Variants in PTPRD observed in about 807,000 individuals in gnomAD.
The protein encoded by PTPRD is protein tyrosine phosphatase receptor type D, also known as receptor-type tyrosine-protein phosphatase delta.
PTPRD carries 34 observed loss-of-function variants against 214.5 expected under a neutral mutation model. That is an observed-to-expected ratio of 0.16 (90% confidence interval 0.12 to 0.21). PTPRD has a LOEUF of 0.21. Ranked by LOEUF, PTPRD falls within the 10% of genes least tolerant of loss-of-function variation. The pLI is 1.00. For missense variants in PTPRD, 2,545 were observed against 2,398.7 expected (o/e 1.06, Z -1.27); for synonymous variants, 1,128 against 845.7 (o/e 1.33, Z -5.79).
intron 11 of PTPRD, among the ~76,000 whole-genome samples, chr9:8,935,324 A>T (rs2098989505): frequency 6.6e-6 from 1 of 152,204 alleles, no homozygotes; most frequent in Non-Finnish European, 1.5e-5. Context: ...TTAAAAAAGA[A>T]ATTAAGAAAG....
chr9:9,646,114 G>T (rs2096154025), intron 7 of PTPRD, among the ~76,000 whole-genome samples: 1 of 152,266 alleles, frequency 6.6e-6, no homozygotes, highest in Admixed American at 6.5e-5. Context: ...TTCCATCTAA[G>T]ACAGTCCATT....
chr9:8,379,986 A>G (rs1313417732), intron 37 of PTPRD, among the ~76,000 whole-genome samples: 1 of 152,132 alleles, frequency 6.6e-6, no homozygotes, highest in Non-Finnish European at 1.5e-5. Flanking sequence ...GATTGAAGTG[A>G]TGCCCCTAAA....
intron 11 of PTPRD, among the ~76,000 whole-genome samples, chr9:8,912,028 A>C (rs556363835): frequency 6.6e-6 from 1 of 152,296 alleles, no homozygotes; most frequent in South Asian, 2.1e-4. Context: ...GGATGTGGAG[A>C]GAGTGGAATA....
intron 5 of PTPRD, among the ~76,000 whole-genome samples, chr9:9,835,771 TC>T (rs567872902): frequency 6.6e-5 from 10 of 152,168 alleles, no homozygotes; most frequent in African/African-American, 9.6e-5. Flanking sequence ...AGGAGTGGAA[TC>T]AACTGAAGGA....
At chr9:8,568,975 T>G (rs1248246179) in intron 14 of PTPRD, among the ~76,000 whole-genome samples, 1 of 152,084 alleles carries the variant, frequency 6.6e-6, no homozygotes, top group Non-Finnish European at 1.5e-5. Context: ...TATATAGAAA[T>G]ATGCTTCCCA....
chr9:10,291,130 A>T (rs2095515284), intron 3 of PTPRD, among the ~76,000 whole-genome samples: 1 of 151,194 alleles, frequency 6.6e-6, no homozygotes, highest in African/African-American at 2.4e-5. Flanking sequence ...GGGGCTTCTG[A>T]GAAAGGTTTC....
chr9:9,546,229 T>C lies in PTPRD; in HGVS notation c.-237+28503A>G, dbSNP rs190204094. 1.1e-4 allele frequency among the ~76,000 whole-genome samples: 14 copies of C among 129,780 alleles called. No homozygotes were observed. The East Asian group carries it at 2.5e-3, about 23-fold the overall frequency. The allele number at this position is 129,780 out of a possible 152,430, so 85.1% of individuals were successfully genotyped here. On this transcript the variant is annotated intron_variant, in intron 8 of 45. Coordinates refer to ENST00000381196, the MANE Select transcript of PTPRD (RefSeq NM_002839.4). ...AATCCATTATTAGTTCCAAAAGTTG[T>C]TGTGGAATTTTTGGAATTTTTACAT...
chr9:9,659,631 T>C (rs1431802132), intron 7 of PTPRD, among the ~76,000 whole-genome samples: 1 of 151,966 alleles, frequency 6.6e-6, no homozygotes, highest in Non-Finnish European at 1.5e-5. Context: ...AGCTTTTCCC[T>C]AGCAGTAACA....
intron 12 of PTPRD, among the ~76,000 whole-genome samples, chr9:8,708,259 A>G (rs901648224): frequency 9.2e-5 from 14 of 152,198 alleles, no homozygotes; most frequent in African/African-American, 3.4e-4. Flanking sequence ...TTGTTATCAA[A>G]TAACAAAAGG....
chr9:10,493,951 C>T (rs920988970), intron 2 of PTPRD, among the ~76,000 whole-genome samples: 2 of 151,888 alleles, frequency 1.3e-5, no homozygotes, highest in African/African-American at 4.8e-5. Context: ...GTAGATGATG[C>T]CATATCTATT....
intron 7 of PTPRD, among the ~76,000 whole-genome samples, chr9:9,631,214 T>TAAATAAAC (rs2095580524): frequency 3.1e-5 from 3 of 95,792 alleles, no homozygotes; most frequent in Admixed American, 1.0e-4. Flanking sequence ...AATAAATAAA[T>TAAATAAAC]AAATAAATAA....
chr9:8,522,032 C>T (rs575636840), intron 19 of PTPRD, among the ~76,000 whole-genome samples: 1 of 152,154 alleles, frequency 6.6e-6, no homozygotes, highest in Non-Finnish European at 1.5e-5. Context: ...CACATCCCAG[C>T]CCTGGAAAAC....
intron 2 of PTPRD, among the ~76,000 whole-genome samples, chr9:10,574,047 C>G (rs2068338649): frequency 6.6e-6 from 1 of 152,080 alleles, no homozygotes; most frequent in South Asian, 2.1e-4. Context: ...ATGTTAAAAT[C>G]AGTAACCTGA....
chr9:8,799,688 C>T (rs1182253989), intron 11 of PTPRD, among the ~76,000 whole-genome samples: 1 of 152,064 alleles, frequency 6.6e-6, no homozygotes, highest in East Asian at 1.9e-4. Context: ...CAGATGTAGC[C>T]AGGTTCAATT....
intron 5 of PTPRD, among the ~76,000 whole-genome samples, chr9:9,933,338 A>G (rs2087597051): frequency 6.6e-6 from 1 of 151,922 alleles, no homozygotes; most frequent in Non-Finnish European, 1.5e-5. Context: ...AACCCATCTC[A>G]CATGCAGAGA....
intron 7 of PTPRD, among the ~76,000 whole-genome samples, chr9:9,585,399 T>G (rs1399825333): frequency 6.6e-6 from 1 of 152,120 alleles, no homozygotes; most frequent in African/African-American, 2.4e-5. Context: ...TCAATTCACA[T>G]CTTAACTTTC....
At chr9:10,229,514 A>G (rs546959405) in intron 3 of PTPRD, among the ~76,000 whole-genome samples, 2 of 152,212 alleles carry the variant, frequency 1.3e-5, no homozygotes, top group South Asian at 2.1e-4. Flanking sequence ...ACGGAATACT[A>G]TGCAGCCACA....
At chr9:9,354,242 A>G (rs1428295909) in intron 9 of PTPRD, among the ~76,000 whole-genome samples, 2 of 151,790 alleles carry the variant, frequency 1.3e-5, no homozygotes, top group South Asian at 4.1e-4. Context: ...GTTCCATCAT[A>G]TTTACAAGTC....
chr9:9,428,484 G>A (rs947549382), intron 8 of PTPRD, among the ~76,000 whole-genome samples: 2 of 152,138 alleles, frequency 1.3e-5, no homozygotes, highest in Non-Finnish European at 2.9e-5. Context: ...GTCAACATTA[G>A]ACAGATCAAT....
Sources: gnomAD v4.1 joint callset for allele counts (sites outside exome capture counted in the v4.1 genomes callset) on GRCh38, gnomAD v4.1.1 for gene constraint, MANE v1.5 for transcripts, NCBI Gene and HGNC (gene_info 2026-07-23, HGNC 2026-07-21) for gene names.